TGFBR2: variants seen among roughly 807,000 people sequenced by gnomAD.
The protein encoded by TGFBR2 is transforming growth factor beta receptor 2, also known as TGF-beta receptor type-2.
Under a neutral mutation model 49.0 loss-of-function variants are expected in TGFBR2, and 18 were observed. The observed-to-expected ratio is 0.37, with a 90% CI of 0.25 to 0.54. The LOEUF (loss-of-function observed/expected upper bound fraction) is 0.54. Among genes scored for constraint, TGFBR2 ranks in the 20% least tolerant of loss-of-function variants. The pLI is 0.85. For synonymous variants in TGFBR2, 282 were observed against 275.9 expected, an observed-to-expected ratio of 1.02 and a Z score of -0.22; for missense variants, 525 against 722.6, an observed-to-expected ratio of 0.73 and a Z score of 3.13.
intron 3 of TGFBR2, among the ~76,000 whole-genome samples, chr3:30,656,884 G>A (rs1371668221): frequency 6.6e-6 from 1 of 152,216 alleles, no homozygotes; most frequent in African/African-American, 2.4e-5. Context: ...TAGGCTGTGG[G>A]AACTCATAGA....
intron 3 of TGFBR2, among the ~76,000 whole-genome samples, chr3:30,654,528 A>G (rs2125414886): frequency 6.6e-6 from 1 of 152,304 alleles, no homozygotes; most frequent in Non-Finnish European, 1.5e-5. Flanking sequence ...CTTCCCTCCC[A>G]GTCTCTGAAG....
intron 1 of TGFBR2, among the ~76,000 whole-genome samples, chr3:30,611,978 G>A (rs533869072): frequency 1.3e-5 from 2 of 152,212 alleles, no homozygotes; most frequent in South Asian, 2.1e-4. Context: ...ATATGCATTC[G>A]CAGCAAGAAT....
At chr3:30,637,727 G>T (rs113164102) in intron 1 of TGFBR2, among the ~76,000 whole-genome samples, 1 of 152,034 alleles carries the variant, frequency 6.6e-6, no homozygotes, top group African/African-American at 2.4e-5. Context: ...GTTGCGTTGT[G>T]TTCCTTGTTT....
At chr3:30,644,723 TA>T (rs1479527929) in intron 1 of TGFBR2, 23 bp from the exon 2 acceptor site, 4 of 1,612,178 alleles carry the variant, frequency 2.5e-6, no homozygotes, top group Non-Finnish European at 3.4e-6. Flanking sequence ...GATAATCATT[TA>T]ATATATCTTT....
chr3:30,619,867 C>T (rs1217910687), intron 1 of TGFBR2, among the ~76,000 whole-genome samples: 1 of 152,172 alleles, frequency 6.6e-6, no homozygotes, highest in Admixed American at 6.5e-5. Context: ...GTTTGCCAAG[C>T]TACCTGTGCT....
At chr3:30,627,506 C>T in intron 1 of TGFBR2, among the ~76,000 whole-genome samples, 1 of 151,804 alleles carries the variant, frequency 6.6e-6, no homozygotes, top group African/African-American at 2.4e-5. Flanking sequence ...AGCCAGTAGC[C>T]TAAAAACCCT....
chr3:30,656,380 A>C (rs1046895297), intron 3 of TGFBR2, among the ~76,000 whole-genome samples: 4 of 152,160 alleles, frequency 2.6e-5, no homozygotes, highest in African/African-American at 9.7e-5. Flanking sequence ...TATTTGTATT[A>C]GTTTATCTGT....
chr3:30,629,190 A>G (rs1222715018), intron 1 of TGFBR2, among the ~76,000 whole-genome samples: 2 of 152,226 alleles, frequency 1.3e-5, no homozygotes, highest in African/African-American at 2.4e-5. Flanking sequence ...ACATGTGGCT[A>G]TTAAGCACTT....
At chr3:30,647,776 G>A (rs760190989) in intron 2 of TGFBR2, among the ~76,000 whole-genome samples, 10 of 151,988 alleles carry the variant, frequency 6.6e-5, no homozygotes, top group Admixed American at 3.3e-4. Context: ...TCCCGGGTTC[G>A]TGCGATTCTC....
chr3:30,656,582 A>T (rs1046945279), intron 3 of TGFBR2, among the ~76,000 whole-genome samples: 2 of 152,124 alleles, frequency 1.3e-5, no homozygotes, highest in Admixed American at 6.6e-5. Flanking sequence ...GTTTGCTAAG[A>T]TTGTCTGCTG....
rs761435905 is a variant in TGFBR2, at chr3:30,691,482, C to T, written c.1587C>T (p.Leu529=). The change falls in exon 7 of 7, where the codon CTC becomes CTT. Residue 529 remains leucine, a synonymous_variant. Transcript: ENST00000295754. ...GGGACCACGACCCAGAGGCCCGTCT[C>T]ACAGCCCAGTGTGTGGCAGAACGCT... ...ECWDHDPEAR[L]TAQCVAERFS... 15 of 1,614,114 alleles carry T rather than the reference C, an allele frequency of 9.3e-6. No homozygotes were observed. The highest frequency in any genetic ancestry group is 8.5e-6 in the Non-Finnish European group (10 of 1,179,992).
intron 1 of TGFBR2, among the ~76,000 whole-genome samples, chr3:30,638,085 G>A (rs953577464): frequency 1.6e-4 from 25 of 152,208 alleles, no homozygotes; most frequent in Non-Finnish European, 4.4e-5. Flanking sequence ...CAATGAGGTT[G>A]ACATGCTTCG....
rs146686816 is a variant in TGFBR2, at chr3:30,630,793, G to A, written c.95-13954G>A. 3.8e-3 allele frequency among the ~76,000 whole-genome samples: 581 copies of A among 152,220 alleles called. 6 individuals are homozygous for A. Among genetic ancestry groups the A allele is most frequent in the African/African-American group, 0.013 (551 of 41,526 alleles). ...CTTTTGCCCTTCCATTTTCTGCTAT[G>A]TGATGACACAGTACTGGTCCTCTCT... On this transcript the variant is annotated intron_variant, in intron 1 of 6. Coordinates refer to ENST00000295754, the MANE Select transcript of TGFBR2 (RefSeq NM_003242.6).
intron 2 of TGFBR2, among the ~76,000 whole-genome samples, chr3:30,647,966 C>T (rs1698797369): frequency 6.6e-6 from 1 of 152,086 alleles, no homozygotes; most frequent in Non-Finnish European, 1.5e-5. Context: ...CATGAGCCAC[C>T]GTGCCCAGCC....
chr3:30,624,073 G>A (rs1448706600), intron 1 of TGFBR2, among the ~76,000 whole-genome samples: 2 of 152,068 alleles, frequency 1.3e-5, no homozygotes, highest in Admixed American at 6.6e-5. Context: ...AACCCAGGAG[G>A]TGGAGGTTGC....
chr3:30,682,358 T>C (rs891376304), intron 5 of TGFBR2, among the ~76,000 whole-genome samples: 1 of 152,252 alleles, frequency 6.6e-6, no homozygotes, highest in East Asian at 1.9e-4. Context: ...TTGTTAGCTC[T>C]TCCACTTTTG....
intron 5 of TGFBR2, among the ~76,000 whole-genome samples, chr3:30,677,765 A>G (rs1242203012): frequency 6.6e-6 from 1 of 152,214 alleles, no homozygotes; most frequent in Non-Finnish European, 1.5e-5. Context: ...TAGCTTTTGT[A>G]GAAACACAGA....
At chr3:30,656,417 A>G (rs1962859) in intron 3 of TGFBR2, among the ~76,000 whole-genome samples, 24,525 of 152,172 alleles carry the variant, frequency 0.16, 2,278 homozygotes, top group East Asian at 0.37. Flanking sequence ...ATTTCCCAAA[A>G]CAAGAAGACA....
At chr3:30,667,822 T>C (rs1699269790) in intron 3 of TGFBR2, among the ~76,000 whole-genome samples, 1 of 152,208 alleles carries the variant, frequency 6.6e-6, no homozygotes, top group Admixed American at 6.5e-5. Flanking sequence ...TTTTTTCAAA[T>C]TGTATTTCTC....
Sources: gnomAD v4.1 joint callset for allele counts (sites outside exome capture counted in the v4.1 genomes callset) on GRCh38, gnomAD v4.1.1 for gene constraint, MANE v1.5 for transcripts, NCBI Gene and HGNC (gene_info 2026-07-23, HGNC 2026-07-21) for gene names.